Variants in ZNF41 observed in about 807,000 individuals in gnomAD.
ZNF41 encodes the protein zinc finger protein 41.
Under a neutral mutation model 9.3 loss-of-function variants are expected in ZNF41, and 6 were observed. That is an observed-to-expected ratio of 0.65 (90% CI 0.35 to 1.28). The LOEUF (loss-of-function observed/expected upper bound fraction) is 1.28, where lower values mean the gene tolerates loss of function less well. ZNF41 is among the 50% of genes most tolerant of loss of function. The probability of loss-of-function intolerance (pLI) is 0.03; values close to 1 mark genes in which losing one functional copy is unlikely to be tolerated. For synonymous variants in ZNF41, 192 were observed against 207.1 expected (o/e 0.93, Z 0.63); for missense variants, 523 against 585.8 (o/e 0.89, Z 1.11).
At chrX:47,462,932 CACATAT>C (rs1392068631) in intron 2 of ZNF41, among the ~76,000 whole-genome samples, 3 of 82,926 alleles carry the variant, frequency 3.6e-5, no homozygotes, top group Admixed American at 1.4e-4. Flanking sequence ...ATATATCACA[CACATAT>C]ATATATATAC....
rs1455413349 is a variant in ZNF41, at chrX:47,451,324, A to C, written c.296-1850T>G. 2.7e-5 allele frequency among the ~76,000 whole-genome samples: 3 copies of C among 112,665 alleles called. No individual in the cohort carries two copies. The East Asian group carries it at 8.3e-4, about 31-fold the overall frequency. On this transcript the variant is annotated intron_variant, in intron 4 of 4. Transcript: ENST00000684689. ...ATTTTCTACATGCTCCACTTCAGGA[A>C]ACTGAAGAATAAGTATGCTGGTTAT...
chrX:47,470,198 G>A (rs2057140711), intron 1 of ZNF41, among the ~76,000 whole-genome samples: 1 of 108,764 alleles, frequency 9.2e-6, no homozygotes, highest in Non-Finnish European at 1.9e-5. Flanking sequence ...CGAATCACGA[G>A]GTCAGGAGTT....
At chrX:47,475,338 C>A (rs756158910) in intron 1 of ZNF41, among the ~76,000 whole-genome samples, 2 of 109,814 alleles carry the variant, frequency 1.8e-5, no homozygotes, top group South Asian at 7.7e-4. Context: ...AATTAATCCC[C>A]CCCACCAGAA....
chrX:47,449,919 A>G (rs1333058166), intron 4 of ZNF41, among the ~76,000 whole-genome samples: 1 of 111,682 alleles, frequency 9.0e-6, no homozygotes, highest in African/African-American at 3.3e-5. Context: ...AAGAAACTGC[A>G]GCCTGTGAGG....
intron 1 of ZNF41, among the ~76,000 whole-genome samples, chrX:47,475,281 C>A (rs2057307423): frequency 9.1e-6 from 1 of 109,800 alleles, no homozygotes; most frequent in Admixed American, 9.9e-5. Flanking sequence ...AAGCATTATG[C>A]ACAGATGCAC....
At chrX:47,459,889 G>C (rs1209575470) in intron 2 of ZNF41, among the ~76,000 whole-genome samples, 2 of 107,774 alleles carry the variant, frequency 1.9e-5, no homozygotes. Context: ...GTTGCAGTAA[G>C]CTGAGATCAC....
rs191765776 is a variant in ZNF41 at position 47,475,542 on chromosome X, A to C, written c.-280+7553T>G. Reference sequence around the variant, plus strand: ...ATACCAACACTTGTTAAATATACTAAAAACAAGAAAACTATAAGCAAATTT... The same window carrying C: ...ATACCAACACTTGTTAAATATACTACAAACAAGAAAACTATAAGCAAATTT... On this transcript the variant is annotated intron_variant, in intron 1 of 4. Transcript: ENST00000684689. 6.4e-4 allele frequency among the ~76,000 whole-genome samples: 72 copies of C among 111,842 alleles called. No homozygotes were observed. In the East Asian group the frequency reaches 0.017, roughly 26 times the overall value.
At chrX:47,455,307 C>T (rs1221835129) in intron 4 of ZNF41, among the ~76,000 whole-genome samples, 1 of 102,596 alleles carries the variant, frequency 9.7e-6, no homozygotes, top group Non-Finnish European at 2.0e-5. Context: ...AAAAAAGACC[C>T]ATAATCCCAG....
intron 1 of ZNF41, among the ~76,000 whole-genome samples, chrX:47,468,688 T>C (rs994845086): frequency 1.8e-5 from 2 of 111,231 alleles, no homozygotes; most frequent in African/African-American, 6.6e-5. Context: ...CCAATGTCCA[T>C]AGGTCCCAAT....
intron 2 of ZNF41, 38 bp downstream of exon 2, chrX:47,467,372 G>A: frequency 1.7e-6 from 2 of 1,171,198 alleles, no homozygotes; most frequent in South Asian, 3.8e-5. Flanking sequence ...TCTCTTCACT[G>A]AATGAATTCT....
intron 4 of ZNF41, 64 bp from the exon 5 acceptor site, chrX:47,449,538 A>G (rs1210408661): frequency 1.8e-6 from 2 of 1,134,888 alleles, no homozygotes; most frequent in East Asian, 6.5e-5. Flanking sequence ...TAGAGGGGAC[A>G]TGTAGTTCAG....
rs775900984 is a variant in ZNF41 at position 47,456,130 on chromosome X, G to A, written c.200-114C>T. On this transcript the variant is annotated intron_variant, in intron 3 of 4. Transcript: ENST00000684689. ...GTAAACACATTTCACTGGGAACAGAGTAATAATCACAGAGGTGAAAAGGAA... is the reference window on the plus strand; with the variant it reads ...GTAAACACATTTCACTGGGAACAGAATAATAATCACAGAGGTGAAAAGGAA... The A allele has an allele frequency of 2.8e-6, 3 of 1,061,805 alleles. No individual in the cohort carries two copies. The African/African-American group carries it at 5.5e-5, about 19-fold the overall frequency. 87.5% of individuals were successfully genotyped at this position (1,061,805 alleles called of 1,213,427 possible). A position where few individuals can be genotyped will look rare whatever the true frequency, so the allele number is the denominator to read the frequency against.
chrX:47,473,798 T>C (rs2057259530), intron 1 of ZNF41, among the ~76,000 whole-genome samples: 1 of 112,153 alleles, frequency 8.9e-6, no homozygotes, highest in South Asian at 3.6e-4. Flanking sequence ...GCAGATAAAC[T>C]AGATCTCTAA....
intron 1 of ZNF41, among the ~76,000 whole-genome samples, chrX:47,469,032 C>T (rs1421003671): frequency 4.5e-5 from 5 of 111,299 alleles, no homozygotes; most frequent in African/African-American, 1.6e-4. Context: ...ACAATTTTAG[C>T]CGGGCGCGGT....
intron 1 of ZNF41, among the ~76,000 whole-genome samples, chrX:47,481,492 T>A (rs2057471405): frequency 9.0e-6 from 1 of 110,651 alleles, no homozygotes. Flanking sequence ...CTACACAAAA[T>A]AAAAAATTAG....
Position 47,448,017 on chromosome X carries a change from C to T in ZNF41, c.1753G>A (p.Gly585Arg), listed in dbSNP as rs780500096. Reference sequence around the variant, plus strand: ...GTTGATTTCTGGATGAAGGCTTTCCCGCAGTCCTTGCATTCATAGTGTCTC... The same window carrying T: ...GTTGATTTCTGGATGAAGGCTTTCCTGCAGTCCTTGCATTCATAGTGTCTC... ...GERHYECKDCGKAFIQKSTLS... is the reference protein window; with the variant it reads ...GERHYECKDCRKAFIQKSTLS... The change falls in exon 5 of 5, where the codon GGG becomes AGG. Residue 585 changes from glycine to arginine, a missense_variant. By Grantham distance (125) the Gly-to-Arg change is moderately radical (BLOSUM62 -2). Transcript: ENST00000684689. 8 of 1,209,895 alleles carry T rather than the reference C, an allele frequency of 6.6e-6. No individual in the cohort carries two copies. The highest frequency in any genetic ancestry group is 3.5e-5 in the African/African-American group (2 of 57,162).
intron 2 of ZNF41, among the ~76,000 whole-genome samples, chrX:47,462,934 CAT>C (rs752513193): frequency 0.05 from 4,990 of 98,911 alleles, 242 homozygotes; most frequent in African/African-American, 0.12. Flanking sequence ...ATATCACACA[CAT>C]ATATATATAT....
Position 47,448,657 on chromosome X carries a change from A to T in ZNF41, c.1113T>A (p.Phe371Leu), listed in dbSNP as rs372633521. Residue 371 changes from phenylalanine (F) to leucine (L), a missense_variant, in exon 5 of 5, where the codon TTT (phenylalanine) becomes TTA (leucine). Phe to Leu is a conservative substitution (Grantham distance 22). Coordinates refer to ENST00000684689, the MANE Select transcript of ZNF41 (RefSeq NM_001324144.2). The part of the protein sequence containing the change: ...GKAFFQRSDL[F>L]RHLRIHTGEK... Reference sequence around the variant, plus strand: ...CTCCTGTATGAATTCTCAGATGTCTAAAGAGGTCTGATCTCTGGAAAAAGG... The same window carrying T: ...CTCCTGTATGAATTCTCAGATGTCTTAAGAGGTCTGATCTCTGGAAAAAGG... 2.8e-5 allele frequency: 34 copies of T among 1,209,979 alleles called. No individual in the cohort carries two copies. In the African/African-American group the frequency reaches 5.2e-4, roughly 19 times the overall value.
chrX:47,456,143 AG>A (rs1404703511), intron 3 of ZNF41, 127 bp from the exon 4 acceptor site: 2 of 1,053,319 alleles, frequency 1.9e-6, no homozygotes, highest in African/African-American at 3.7e-5. Flanking sequence ...ATAATCACAG[AG>A]GTGAAAAGGA....
Sources: allele counts gnomAD v4.1 joint callset (sites outside exome capture counted in the v4.1 genomes callset), GRCh38; gene constraint gnomAD v4.1.1; transcripts MANE v1.5; gene names NCBI Gene and HGNC (gene_info 2026-07-23, HGNC 2026-07-21).